ZNF44: variants seen among roughly 807,000 people sequenced by gnomAD.
ZNF44 encodes zinc finger protein 44.
In ZNF44, 9 loss-of-function variants were observed where a neutral mutation model predicts 11.7. That is an observed-to-expected ratio of 0.77 (90% CI 0.46 to 1.35). The LOEUF is 1.35. Among genes scored for constraint, ZNF44 ranks in the 40% most tolerant of loss-of-function variants. The pLI is 0.00. For synonymous variants in ZNF44, 224 were observed against 242.7 expected (o/e 0.92, Z 0.72); for missense variants, 696 against 743.1 (o/e 0.94, Z 0.74).
intron 5 of ZNF44, among the ~76,000 whole-genome samples, chr19:12,260,950 T>G (rs1917483103): frequency 6.6e-6 from 1 of 152,186 alleles, no homozygotes; most frequent in African/African-American, 2.4e-5. Context: ...CACCAACTGC[T>G]AGTCACCTAG....
chr19:12,233,550 CAAAA>C (rs58060175), intron 2 of ZNF44, among the ~76,000 whole-genome samples: 18 of 80,864 alleles, frequency 2.2e-4, no homozygotes, highest in African/African-American at 3.7e-4. Context: ...ACCCATACAT[CAAAA>C]AAAAAAAAAA....
At chr19:12,284,140 T>C (rs896780917) in intron 1 of ZNF44, among the ~76,000 whole-genome samples, 4 of 152,062 alleles carry the variant, frequency 2.6e-5, no homozygotes, top group Non-Finnish European at 5.9e-5. Flanking sequence ...AAGCAAACAT[T>C]TGCATTTACT....
downstream of ZNF44, among the ~76,000 whole-genome samples, chr19:12,243,724 T>G (rs1296247504): frequency 6.6e-6 from 1 of 150,754 alleles, no homozygotes; most frequent in Non-Finnish European, 1.5e-5. Flanking sequence ...TAGTTTTTGT[T>G]TTTTTTTGCA....
At chr19:12,286,648 A>AG (rs1967764838) in intron 1 of ZNF44, among the ~76,000 whole-genome samples, 1 of 151,150 alleles carries the variant, frequency 6.6e-6, no homozygotes. Context: ...AAAAAAAGAA[A>AG]GAAAGAAAAC....
intron 1 of ZNF44, among the ~76,000 whole-genome samples, chr19:12,292,594 C>T (rs867976821): frequency 5.3e-5 from 8 of 152,140 alleles, no homozygotes; most frequent in Admixed American, 4.6e-4. Context: ...GCCAGCCCCA[C>T]GGTGCTCATT....
chr19:12,279,007 T>C (rs1432773855), intron 1 of ZNF44, among the ~76,000 whole-genome samples: 2 of 152,220 alleles, frequency 1.3e-5, no homozygotes, highest in Non-Finnish European at 2.9e-5. Flanking sequence ...GAGCCATCCA[T>C]GAAGACTGGA....
chr19:12,280,722 A>G (rs1010985622), intron 1 of ZNF44, among the ~76,000 whole-genome samples: 1 of 152,202 alleles, frequency 6.6e-6, no homozygotes, highest in Non-Finnish European at 1.5e-5. Flanking sequence ...TTTTAAACAG[A>G]AAGACACAGA....
At chr19:12,294,613 G>C in intron 1 of ZNF44, 79 bp downstream of exon 1, 1 of 1,526,188 alleles carries the variant, frequency 6.6e-7, no homozygotes, top group Non-Finnish European at 8.8e-7. Flanking sequence ...GGCGAGGCCC[G>C]GGTCCCGCCA....
At chr19:12,252,686 G>A (rs1917056457) in intron 5 of ZNF44, among the ~76,000 whole-genome samples, 1 of 151,726 alleles carries the variant, frequency 6.6e-6, no homozygotes, top group South Asian at 2.1e-4. Context: ...AAGAGGGCTT[G>A]GGATAGCTGT....
At chr19:12,252,878 C>CAT (rs1917069451) in intron 5 of ZNF44, among the ~76,000 whole-genome samples, 2 of 78,640 alleles carry the variant, frequency 2.5e-5, no homozygotes, top group African/African-American at 1.1e-4. Context: ...CTACAAGAAA[C>CAT]TTTTTTTTTT....
downstream of ZNF44, among the ~76,000 whole-genome samples, chr19:12,270,180 A>G (rs1353880037): frequency 3.3e-5 from 5 of 152,050 alleles, no homozygotes; most frequent in South Asian, 6.2e-4. Flanking sequence ...AACTAGGGTA[A>G]AATAGATACA....
chr19:12,225,869 C>T (rs191628729), downstream of ZNF44, among the ~76,000 whole-genome samples: 65 of 152,222 alleles, frequency 4.3e-4, no homozygotes, highest in Non-Finnish European at 2.8e-4. Context: ...CGGTGAGAGT[C>T]GGGGGCTTAG....
At chr19:12,225,444 T>A (rs1915875346), downstream of ZNF44, among the ~76,000 whole-genome samples, 1 of 152,220 alleles carries the variant, frequency 6.6e-6, no homozygotes, top group Non-Finnish European at 1.5e-5. Context: ...GCTTGTTTTT[T>A]TTAATAGCGC....
At chr19:12,294,598 G>A (rs537660524) in intron 1 of ZNF44, 94 bp downstream of exon 1, 2 of 1,501,852 alleles carry the variant, frequency 1.3e-6, no homozygotes, top group East Asian at 2.6e-5. Context: ...CCCCAAAGAC[G>A]CTGCGGCGAG....
chr19:12,273,964 G>A lies in ZNF44; in HGVS notation c.291C>T (p.Pro97=), dbSNP rs186717775. The A allele has an allele frequency of 7.4e-4, 1,195 of 1,614,020 alleles. 3 individuals are homozygous for A. The highest frequency in any genetic ancestry group is 1.3e-3 in the African/African-American group (101 of 75,000). The change falls in exon 4 of 4, where the codon CCC becomes CCT. Residue 97 remains proline (P), a synonymous_variant. Transcript: ENST00000355684. Reference sequence around the variant, plus strand: ...TGCTTCCACATGCATCTACTCTGGCGGGAGTGTTCTTGTTTACAATACTAT... The same window carrying A: ...TGCTTCCACATGCATCTACTCTGGCAGGAGTGTTCTTGTTTACAATACTAT... ...IRNSIVNKNT[P]ARVDACGSSV...
At chr19:12,292,515 G>A (rs1489448572) in intron 1 of ZNF44, among the ~76,000 whole-genome samples, 3 of 152,052 alleles carry the variant, frequency 2.0e-5, no homozygotes, top group Admixed American at 6.6e-5. Flanking sequence ...GGGTGGGGCA[G>A]AACTGACTGG....
At chr19:12,291,622 C>G (rs893276038) in intron 1 of ZNF44, among the ~76,000 whole-genome samples, 1 of 151,936 alleles carries the variant, frequency 6.6e-6, no homozygotes, top group Non-Finnish European at 1.5e-5. Context: ...CTCTTGAGCC[C>G]TGGAGGCAGA....
chr19:12,280,998 T>A (rs1289049492), intron 1 of ZNF44, among the ~76,000 whole-genome samples: 1 of 152,158 alleles, frequency 6.6e-6, no homozygotes, highest in African/African-American at 2.4e-5. Context: ...AGGATTATAG[T>A]TGAGGGAAAA....
At chr19:12,289,087 T>C (rs1020067843) in intron 1 of ZNF44, among the ~76,000 whole-genome samples, 2 of 151,650 alleles carry the variant, frequency 1.3e-5, no homozygotes, top group African/African-American at 4.9e-5. Flanking sequence ...GGTGGATCTC[T>C]TGAGCCCAGG....
Sources: allele counts gnomAD v4.1 joint callset (sites outside exome capture counted in the v4.1 genomes callset), GRCh38; gene constraint gnomAD v4.1.1; transcripts MANE v1.5; gene names NCBI Gene and HGNC (gene_info 2026-07-23, HGNC 2026-07-21).